The following SLC30A9 variants were observed in gnomAD, a reference collection of about 807,000 sequenced individuals.
SLC30A9 encodes proton-coupled zinc antiporter SLC30A9, mitochondrial.
A neutral mutation model predicts 87.5 loss-of-function variants in SLC30A9; 58 were observed. That is an observed-to-expected ratio of 0.66 (90% CI 0.54 to 0.82). The LOEUF is 0.82. Ranked by LOEUF, SLC30A9 falls within the 40% of genes least tolerant of loss-of-function variation. The pLI is 0.00. For synonymous variants in SLC30A9, 234 were observed against 233.0 expected (o/e 1.00, Z -0.04); for missense variants, 557 against 679.1 (o/e 0.82, Z 2.00).
chr4:42,063,331 C>T (rs1427412255), intron 11 of SLC30A9, among the ~76,000 whole-genome samples: 1 of 152,168 alleles, frequency 6.6e-6, no homozygotes, highest in African/African-American at 2.4e-5. Context: ...AACAAGATCT[C>T]TGTAGGTACC....
At chr4:42,085,124 A>G (rs1718877472) in intron 17 of SLC30A9, among the ~76,000 whole-genome samples, 1 of 152,192 alleles carries the variant, frequency 6.6e-6, no homozygotes, top group Non-Finnish European at 1.5e-5. Context: ...GCCAGTGCAC[A>G]CTTTGCAGGC....
rs755022909 is a variant in SLC30A9, at chr4:42,035,298, T to C, written c.634T>C (p.Leu212=). 68 of 1,602,482 alleles carry C rather than the reference T, an allele frequency of 4.2e-5. 1 individual carries two copies. The Admixed American group carries it at 1.1e-3, about 27-fold the overall frequency. ...AGGGCTATTTAGAAACCAAAAAATA[T>C]TAAGAGAATACAGAGATTTCTTGGG... ...RERLFRNQKI[L]REYRDFLGNT... Residue 212 remains leucine, a synonymous_variant, in exon 7 of 18, where the codon TTA becomes CTA. Transcript: ENST00000264451.
At chr4:42,061,064 T>TC (rs1442752715) in intron 10 of SLC30A9, among the ~76,000 whole-genome samples, 2 of 152,218 alleles carry the variant, frequency 1.3e-5, no homozygotes, top group Non-Finnish European at 2.9e-5. Context: ...AATTTTTTTT[T>TC]CATGGCCAGT....
chr4:42,065,465 C>T, intron 12 of SLC30A9, 116 bp downstream of exon 12: 1 of 674,672 alleles, frequency 1.5e-6, no homozygotes, highest in Non-Finnish European at 2.7e-6. Context: ...TGGGAATAGG[C>T]ATCTAAGCTT....
At chr4:42,037,239 CTTTTTTTTTTTTTTTTTTTTT>C (rs536795831) in intron 7 of SLC30A9, among the ~76,000 whole-genome samples, 1 of 91,194 alleles carries the variant, frequency 1.1e-5, no homozygotes, top group South Asian at 4.9e-4. Context: ...TAAATGCCTT[CTTTTTTTTTTTTTTTTTTTTT>C]TTTTTTTTTT....
intron 8 of SLC30A9, among the ~76,000 whole-genome samples, chr4:42,045,114 G>T (rs1717092429): frequency 6.6e-6 from 1 of 152,168 alleles, no homozygotes; most frequent in Non-Finnish European, 1.5e-5. Flanking sequence ...AAGTCGGAAA[G>T]ATCTAAAATC....
At chr4:42,004,795 G>T (rs1040432674) in intron 2 of SLC30A9, among the ~76,000 whole-genome samples, 12 of 151,608 alleles carry the variant, frequency 7.9e-5, no homozygotes, top group African/African-American at 2.9e-4. Flanking sequence ...GAGAAAACAG[G>T]TGTGTGCTGC....
chr4:42,083,448 T>C (rs530874927), intron 17 of SLC30A9, among the ~76,000 whole-genome samples: 1 of 152,216 alleles, frequency 6.6e-6, no homozygotes, highest in Non-Finnish European at 1.5e-5. Flanking sequence ...ACACATGATA[T>C]CTTGTTAAGC....
rs371371376 is a variant in SLC30A9 at position 42,066,567 on chromosome 4, G to A, written c.1090G>A (p.Val364Ile). The part of the protein sequence containing the change: ...VSEGATLLVA[V>I]NELRRNARAK... ...TCTTTTAGCAACACTTCTTGTTGCT[G>A]TAAATGAACTTCGTAGGAATGCTCG... The change falls in exon 13 of 18, where the codon GTA becomes ATA. Residue 364 changes from valine to isoleucine, a missense_variant. By Grantham distance (29) the Val-to-Ile change is conservative. This residue lies in a region of SLC30A9 where 467 missense variants were observed against 529.8 expected (regional missense o/e 0.88). Transcript: ENST00000264451. 4 of 1,603,316 alleles carry A rather than the reference G, an allele frequency of 2.5e-6. No homozygotes were observed. The highest frequency in any genetic ancestry group is 3.4e-6 in the Non-Finnish European group (4 of 1,173,478).
intron 2 of SLC30A9, among the ~76,000 whole-genome samples, chr4:42,002,794 G>A (rs1018419715): frequency 6.6e-6 from 1 of 152,044 alleles, no homozygotes; most frequent in African/African-American, 2.4e-5. Flanking sequence ...TACACTCCCT[G>A]ATGGGATTGG....
intron 4 of SLC30A9, among the ~76,000 whole-genome samples, chr4:42,021,703 A>G (rs1171049933): frequency 3.9e-5 from 6 of 152,116 alleles, no homozygotes; most frequent in African/African-American, 7.2e-5. Flanking sequence ...TAAATTCTTA[A>G]GTAGAGGGAT....
chr4:42,044,877 C>T (rs533410255), intron 8 of SLC30A9, among the ~76,000 whole-genome samples: 59 of 152,308 alleles, frequency 3.9e-4, no homozygotes, highest in Non-Finnish European at 2.9e-4. Flanking sequence ...GACCACAGTG[C>T]AATCAAATGA....
chr4:42,010,143 CT>C (rs1715378354), intron 2 of SLC30A9, among the ~76,000 whole-genome samples: 1 of 152,084 alleles, frequency 6.6e-6, no homozygotes, highest in Non-Finnish European at 1.5e-5. Context: ...CACTTAAAGC[CT>C]TTTTAGATTT....
At chr4:42,075,055 A>T (rs1217609042) in intron 15 of SLC30A9, among the ~76,000 whole-genome samples, 14 of 21,706 alleles carry the variant, frequency 6.4e-4, no homozygotes, top group Non-Finnish European at 9.9e-4. Context: ...ATATATATAT[A>T]TATATTTTTT....
At chr4:42,036,588 G>T (rs1335795939) in intron 7 of SLC30A9, among the ~76,000 whole-genome samples, 2 of 152,160 alleles carry the variant, frequency 1.3e-5, no homozygotes, top group African/African-American at 4.8e-5. Context: ...TTGGATAAAA[G>T]GCTACCTATG....
chr4:42,040,579 C>T (rs777062931), intron 8 of SLC30A9, among the ~76,000 whole-genome samples: 18 of 151,612 alleles, frequency 1.2e-4, no homozygotes, highest in South Asian at 1.0e-3. Context: ...CCTCGTGATC[C>T]GAGGTCAGGA....
At chr4:42,047,418 G>A (rs142548012) in intron 8 of SLC30A9, among the ~76,000 whole-genome samples, 5,802 of 152,278 alleles carry the variant, frequency 0.038, 145 homozygotes, top group African/African-American at 0.044. Flanking sequence ...AGTGGGTGAA[G>A]GATATGAACA....
intron 8 of SLC30A9, among the ~76,000 whole-genome samples, chr4:42,046,813 A>G (rs1357228672): frequency 1.3e-5 from 2 of 152,350 alleles, no homozygotes; most frequent in African/African-American, 4.8e-5. Context: ...TGGAGGCATC[A>G]TGCTGCCTGA....
intron 16 of SLC30A9, 123 bp downstream of exon 16, chr4:42,075,909 A>T (rs1419060434): frequency 3.5e-6 from 3 of 865,370 alleles, no homozygotes; most frequent in Non-Finnish European, 5.2e-6. Flanking sequence ...TTAGGTTCCA[A>T]AATTTAACAG....
Sources: allele counts gnomAD v4.1 joint callset (sites outside exome capture counted in the v4.1 genomes callset), GRCh38; gene constraint gnomAD v4.1.1; regional missense constraint gnomAD v4.1.1; transcripts MANE v1.5; gene names NCBI Gene and HGNC (gene_info 2026-07-23, HGNC 2026-07-21).